Variants in NAALADL2 observed in about 807,000 individuals in gnomAD.
NAALADL2 encodes the protein inactive N-acetylated-alpha-linked acidic dipeptidase-like protein 2.
A neutral mutation model predicts 87.2 loss-of-function variants in NAALADL2; 76 were observed. The observed-to-expected ratio is 0.87, with a 90% CI of 0.72 to 1.05. NAALADL2 has a LOEUF of 1.05. NAALADL2 is among the 50% of genes least tolerant of loss of function. NAALADL2 has a pLI of 0.00. For synonymous variants in NAALADL2, 354 were observed against 331.0 expected, an observed-to-expected ratio of 1.07 and a Z score of -0.75; for missense variants, 1,089 against 945.8, an observed-to-expected ratio of 1.15 and a Z score of -1.99.
chr3:174,900,439 T>C (rs1732170185), intron 1 of NAALADL2, among the ~76,000 whole-genome samples: 1 of 152,052 alleles, frequency 6.6e-6, no homozygotes, highest in African/African-American at 2.4e-5. Context: ...GTAGTTAGGA[T>C]AAATGAAATA....
chr3:175,605,639 T>TG (rs1723595701), intron 10 of NAALADL2, among the ~76,000 whole-genome samples: 3 of 104,852 alleles, frequency 2.9e-5, no homozygotes, highest in South Asian at 4.0e-4. Flanking sequence ...GTATATTGCT[T>TG]GTTTTTTTTT....
intron 13 of NAALADL2, among the ~76,000 whole-genome samples, chr3:175,791,552 G>GT (rs1490056298): frequency 6.6e-6 from 1 of 152,176 alleles, no homozygotes; most frequent in African/African-American, 2.4e-5. Context: ...CAGAGCAGAA[G>GT]TAGAGGCAGC....
intron 3 of NAALADL2, among the ~76,000 whole-genome samples, chr3:174,738,961 G>A (rs1175451822): frequency 2.0e-5 from 3 of 151,966 alleles, no homozygotes; most frequent in African/African-American, 7.2e-5. Context: ...TCAACTCTAG[G>A]ACTGACATCC....
chr3:174,799,107 T>A (rs1578978209), intron 3 of NAALADL2, among the ~76,000 whole-genome samples: 2 of 151,762 alleles, frequency 1.3e-5, no homozygotes, highest in South Asian at 4.2e-4. Flanking sequence ...GAGGCGGAGG[T>A]TGCATTGAGC....
chr3:174,860,933 A>G, intron 1 of NAALADL2, among the ~76,000 whole-genome samples: 1 of 152,100 alleles, frequency 6.6e-6, no homozygotes, highest in Non-Finnish European at 1.5e-5. Flanking sequence ...GTATAAAACT[A>G]CAATTATTTT....
intron 1 of NAALADL2, among the ~76,000 whole-genome samples, chr3:175,012,191 A>G (rs865995287): frequency 2.1e-4 from 32 of 152,076 alleles, no homozygotes; most frequent in African/African-American, 7.0e-4. Context: ...TGAGATGGAG[A>G]TTTGCTCCTG....
chr3:175,377,579 C>T (rs1581647996), intron 5 of NAALADL2, among the ~76,000 whole-genome samples: 1 of 152,256 alleles, frequency 6.6e-6, no homozygotes, highest in East Asian at 1.9e-4. Context: ...AGGGGCCAGT[C>T]CCTGGCAAAG....
intron 2 of NAALADL2, among the ~76,000 whole-genome samples, chr3:174,576,224 T>C (rs1715517147): frequency 1.3e-5 from 2 of 151,774 alleles, no homozygotes; most frequent in Admixed American, 6.6e-5. Flanking sequence ...AAATGGAAAA[T>C]AGAATAAACA....
At chr3:174,997,416 T>A (rs1747647561) in intron 1 of NAALADL2, among the ~76,000 whole-genome samples, 1 of 152,106 alleles carries the variant, frequency 6.6e-6, no homozygotes, top group African/African-American at 2.4e-5. Flanking sequence ...TTGTTTTGAT[T>A]TGTGCCCTCA....
At chr3:174,792,040 C>G (rs922949341) in intron 3 of NAALADL2, among the ~76,000 whole-genome samples, 3 of 151,968 alleles carry the variant, frequency 2.0e-5, no homozygotes, top group Non-Finnish European at 2.9e-5. Flanking sequence ...GAAACTCTAT[C>G]TCTACTAAAA....
intron 13 of NAALADL2, among the ~76,000 whole-genome samples, chr3:175,797,396 G>GCA (rs1312061854): frequency 9.2e-5 from 14 of 152,210 alleles, no homozygotes; most frequent in African/African-American, 1.2e-4. Flanking sequence ...AAATAAGATA[G>GCA]TGATTTATTG....
chr3:175,197,557 A>G (rs528064911), intron 2 of NAALADL2, among the ~76,000 whole-genome samples: 1 of 152,032 alleles, frequency 6.6e-6, no homozygotes, highest in African/African-American at 2.4e-5. Flanking sequence ...AACTGTGTAT[A>G]TGGTTGAGAA....
intron 4 of NAALADL2, among the ~76,000 whole-genome samples, chr3:175,323,563 T>C (rs960063017): frequency 2.0e-5 from 3 of 151,794 alleles, no homozygotes; most frequent in African/African-American, 4.8e-5. Flanking sequence ...AAAATCCACT[T>C]AGTTAAAAAT....
intron 11 of NAALADL2, among the ~76,000 whole-genome samples, chr3:175,698,483 T>C (rs538539134): frequency 1.5e-5 from 1 of 67,740 alleles, no homozygotes; most frequent in African/African-American, 9.0e-5. Flanking sequence ...GTATATATAT[T>C]TATATATATA....
chr3:174,758,534 A>T (rs1172148345), intron 3 of NAALADL2, among the ~76,000 whole-genome samples: 2 of 152,214 alleles, frequency 1.3e-5, no homozygotes, highest in Non-Finnish European at 2.9e-5. Flanking sequence ...GTTTGAGGGG[A>T]GCATCCTGAA....
intron 1 of NAALADL2, among the ~76,000 whole-genome samples, chr3:175,067,203 G>C (rs1250261164): frequency 6.6e-6 from 1 of 152,044 alleles, no homozygotes; most frequent in Non-Finnish European, 1.5e-5. Flanking sequence ...TTATGACTAA[G>C]TTCTCAAAAG....
At position 175,275,386 on chromosome 3, in the gene NAALADL2, G is replaced by A. The variant is rs575216911; in HGVS notation, c.939+18856G>A. 1.4e-4 allele frequency among the ~76,000 whole-genome samples: 22 copies of A among 151,980 alleles called. No individual in the cohort carries two copies. In the East Asian group the frequency reaches 4.1e-3, roughly 28 times the overall value. On this transcript the variant is annotated intron_variant, in intron 4 of 13. Coordinates refer to ENST00000454872, the MANE Select transcript of NAALADL2 (RefSeq NM_207015.3). The stretch of plus-strand genomic sequence containing the variant: ...CTTAAGATTCTTAAAAATTAATCAA[G>A]ACTTTTTTTTCTTACATATTTTCAG...
At chr3:175,752,071 A>G (rs777046140) in intron 12 of NAALADL2, among the ~76,000 whole-genome samples, 1 of 152,108 alleles carries the variant, frequency 6.6e-6, no homozygotes, top group Non-Finnish European at 1.5e-5. Context: ...ATATAATAAT[A>G]CATTTCAAAA....
At chr3:175,038,947 A>G (rs767194737) in intron 1 of NAALADL2, among the ~76,000 whole-genome samples, 1 of 152,144 alleles carries the variant, frequency 6.6e-6, no homozygotes, top group Non-Finnish European at 1.5e-5. Context: ...TCTAAAGGTG[A>G]CGGAAAAATG....
Sources: gnomAD v4.1 joint callset for allele counts (sites outside exome capture counted in the v4.1 genomes callset) on GRCh38, gnomAD v4.1.1 for gene constraint, MANE v1.5 for transcripts, NCBI Gene and HGNC (gene_info 2026-07-23, HGNC 2026-07-21) for gene names.